Variants in CTDSPL observed in about 807,000 individuals in gnomAD.
CTDSPL encodes the protein CTD small phosphatase-like protein.
Under a neutral mutation model 30.5 loss-of-function variants are expected in CTDSPL, and 8 were observed. The observed-to-expected ratio is 0.26, with a 90% confidence interval of 0.15 to 0.47. The LOEUF is 0.47. Ranked by LOEUF, CTDSPL falls within the 20% of genes least tolerant of loss-of-function variation. CTDSPL has a pLI of 0.99. For missense variants in CTDSPL, 248 were observed against 366.1 expected (o/e 0.68, Z 2.63); for synonymous variants, 110 against 137.9 (o/e 0.80, Z 1.42).
At chr3:37,891,903 TAC>T (rs914493429) in intron 1 of CTDSPL, among the ~76,000 whole-genome samples, 3 of 151,516 alleles carry the variant, frequency 2.0e-5, no homozygotes, top group Admixed American at 6.6e-5. Context: ...TACATACATG[TAC>T]ACACATATAT....
At chr3:37,914,873 CTTTTTTTTTTTTT>C in intron 1 of CTDSPL, among the ~76,000 whole-genome samples, 1 of 51,284 alleles carries the variant, frequency 1.9e-5, no homozygotes, top group East Asian at 7.8e-4. Flanking sequence ...TATATATGTT[CTTTTTTTTTTTTT>C]TTTTTTTTTT....
rs139390789 is a variant in CTDSPL at position 37,893,162 on chromosome 3, C to A, written c.79+30884C>A. 5.6e-3 allele frequency among the ~76,000 whole-genome samples: 852 copies of A among 152,228 alleles called. 30 individuals carry two copies. Among genetic ancestry groups the A allele is most frequent in the Admixed American group, 0.049 (744 of 15,286 alleles). On this transcript the variant is annotated intron_variant, in intron 1 of 7. Coordinates refer to ENST00000273179, the MANE Select transcript of CTDSPL (RefSeq NM_001008392.2). ...AGAGTCACTGTCTGAGTGAGGCTGC[C>A]CTTTAGCAGGACAGAACACAGCTGT...
intron 4 of CTDSPL, 110 bp from the exon 5 acceptor site, chr3:37,967,716 G>GT (rs1206429965): frequency 4.1e-6 from 3 of 724,610 alleles, no homozygotes; most frequent in Admixed American, 3.3e-5. Flanking sequence ...CTCCTGAACT[G>GT]TTTTTTCCAA....
At chr3:37,960,282 A>G (rs1699221334) in intron 3 of CTDSPL, among the ~76,000 whole-genome samples, 1 of 151,658 alleles carries the variant, frequency 6.6e-6, no homozygotes, top group Non-Finnish European at 1.5e-5. Context: ...GGAGTTCAAG[A>G]CCAGCCTGAC....
chr3:37,980,107 G>A (rs1187507053), intron 7 of CTDSPL, among the ~76,000 whole-genome samples: 1 of 152,150 alleles, frequency 6.6e-6, no homozygotes, highest in Non-Finnish European at 1.5e-5. Flanking sequence ...ATTCAAATTT[G>A]TTTATAAATC....
chr3:37,889,639 T>C (rs925532440), intron 1 of CTDSPL, among the ~76,000 whole-genome samples: 26 of 152,136 alleles, frequency 1.7e-4, no homozygotes, highest in African/African-American at 5.8e-4. Context: ...ACACTCTATT[T>C]TGAAAGATGT....
intron 7 of CTDSPL, among the ~76,000 whole-genome samples, chr3:37,979,465 G>A (rs1479746653): frequency 6.6e-6 from 1 of 152,156 alleles, no homozygotes; most frequent in African/African-American, 2.4e-5. Context: ...AGCTGGGCAT[G>A]GCGGCAGGTG....
At chr3:37,884,011 C>T (rs577867992) in intron 1 of CTDSPL, among the ~76,000 whole-genome samples, 1 of 152,086 alleles carries the variant, frequency 6.6e-6, no homozygotes, top group African/African-American at 2.4e-5. Flanking sequence ...GGGAAATGGT[C>T]ACTATTGATA....
At chr3:37,866,933 G>C (rs1306781758) in intron 1 of CTDSPL, among the ~76,000 whole-genome samples, 1 of 152,180 alleles carries the variant, frequency 6.6e-6, no homozygotes, top group Non-Finnish European at 1.5e-5. Flanking sequence ...TTTACATGCA[G>C]TTTTAAGAAG....
intron 3 of CTDSPL, among the ~76,000 whole-genome samples, chr3:37,964,032 T>TAAAAAAAAAA (rs58061973): frequency 2.2e-4 from 5 of 22,990 alleles, no homozygotes; most frequent in Admixed American, 7.5e-4. Context: ...TCTCAGTCAC[T>TAAAAAAAAAA]AAAAAAAAAA....
intron 1 of CTDSPL, among the ~76,000 whole-genome samples, chr3:37,940,326 G>A (rs1461897866): frequency 2.0e-5 from 3 of 150,458 alleles, no homozygotes; most frequent in African/African-American, 7.3e-5. Flanking sequence ...CTTACATTTT[G>A]AGAGACAATC....
At chr3:37,916,467 C>T (rs145625907) in intron 1 of CTDSPL, among the ~76,000 whole-genome samples, 4 of 152,212 alleles carry the variant, frequency 2.6e-5, no homozygotes, top group Non-Finnish European at 5.9e-5. Context: ...AAGGTAAGGT[C>T]GTACTGGAGG....
chr3:37,931,331 A>T (rs1698852892), intron 1 of CTDSPL, among the ~76,000 whole-genome samples: 1 of 151,662 alleles, frequency 6.6e-6, no homozygotes, highest in South Asian at 2.1e-4. Flanking sequence ...TAGTTTTTTT[A>T]AAAGATGGGG....
chr3:37,936,231 T>C (rs535478836), intron 1 of CTDSPL, among the ~76,000 whole-genome samples: 2 of 152,284 alleles, frequency 1.3e-5, no homozygotes, highest in South Asian at 4.1e-4. Flanking sequence ...ACGTTTCTTT[T>C]ATAGAGTGTC....
In CTDSPL at chr3:37,984,258, GC is replaced by G. The variant is rs1441424807; in HGVS notation, c.*3392del. On this transcript the variant is annotated 3_prime_UTR_variant, in exon 8 of 8. Coordinates refer to ENST00000273179, the MANE Select transcript of CTDSPL (RefSeq NM_001008392.2). The stretch of plus-strand genomic sequence containing the variant: ...GTTCCATTCTCCCAGGAGCTTCTCT[GC>G]AGACTGACACACCCTCCCCCACCCC... The G allele has an allele frequency of 2.2e-6, 1 of 450,368 alleles. No individual in the cohort carries two copies. Among genetic ancestry groups the G allele is most frequent in the Non-Finnish European group, 4.4e-6 (1 of 224,778 alleles). The allele number at this position is 450,368 out of a possible 1,614,324, so 27.9% of individuals were successfully genotyped here. A position where few individuals can be genotyped will look rare whatever the true frequency, so the allele number is the denominator to read the frequency against.
At chr3:37,864,016 C>T (rs545809172) in intron 1 of CTDSPL, among the ~76,000 whole-genome samples, 3 of 152,316 alleles carry the variant, frequency 2.0e-5, no homozygotes, top group East Asian at 1.9e-4. Context: ...TCTGGACTTC[C>T]TGCCATAGGG....
At chr3:37,956,075 C>A (rs554747943) in intron 2 of CTDSPL, among the ~76,000 whole-genome samples, 1 of 152,272 alleles carries the variant, frequency 6.6e-6, no homozygotes, top group Admixed American at 6.5e-5. Context: ...AGCCGGAAAT[C>A]TGAAAAAGGA....
At chr3:37,963,195 G>A (rs753456629) in intron 3 of CTDSPL, among the ~76,000 whole-genome samples, 8 of 152,286 alleles carry the variant, frequency 5.3e-5, no homozygotes, top group East Asian at 1.9e-4. Context: ...TCTGGATGAC[G>A]TTGGAAAGGA....
At chr3:37,978,247 T>C (rs1699451553) in intron 7 of CTDSPL, among the ~76,000 whole-genome samples, 1 of 152,242 alleles carries the variant, frequency 6.6e-6, no homozygotes, top group Admixed American at 6.5e-5. Context: ...GTAGTTTCAG[T>C]CCATTTATTA....
Sources: allele counts gnomAD v4.1 joint callset (sites outside exome capture counted in the v4.1 genomes callset), GRCh38; gene constraint gnomAD v4.1.1; transcripts MANE v1.5; gene names NCBI Gene and HGNC (gene_info 2026-07-23, HGNC 2026-07-21).